The following CKAP5 variants were observed in gnomAD, a reference collection of about 807,000 sequenced individuals.
The protein encoded by CKAP5 is cytoskeleton associated protein 5, also known as cytoskeleton-associated protein 5.
Under a neutral mutation model 232.8 loss-of-function variants are expected in CKAP5, and 27 were observed. The observed-to-expected ratio is 0.12, with a 90% CI of 0.09 to 0.16. CKAP5 has a LOEUF of 0.16. Ranked by LOEUF, CKAP5 falls within the 10% of genes least tolerant of loss-of-function variation. The probability of loss-of-function intolerance (pLI) is 1.00; values close to 1 mark genes in which losing one functional copy is unlikely to be tolerated. For missense variants in CKAP5, 1,838 were observed against 2,424.7 expected (o/e 0.76, Z 5.08); for synonymous variants, 785 against 841.1 (o/e 0.93, Z 1.16).
intron 35 of CKAP5, among the ~76,000 whole-genome samples, chr11:46,756,948 A>G (rs2065114932): frequency 6.8e-6 from 1 of 147,496 alleles, no homozygotes; most frequent in South Asian, 2.1e-4. Flanking sequence ...TATTTTTAAT[A>G]GAGTCAGGGT....
In CKAP5 at chr11:46,769,987, G is replaced by A; in HGVS notation, c.3298C>T (p.Pro1100Ser). The stretch of plus-strand genomic sequence containing the variant: ...CCTGATGCAGGCTGGAATTTGGCTG[G>A]AGCGGACCCTCCCATTGGTTTAGAA... ...ATSKPMGGSA[P>S]AKFQPASAPA... Residue 1100 changes from proline (P) to serine (S), a missense_variant, in exon 26 of 44, where the codon CCA becomes TCA. Physicochemically the swap from Pro to Ser is moderately conservative, Grantham distance 74. This residue lies in a region of CKAP5 where 767 missense variants were observed against 954.6 expected (regional missense o/e 0.80). Coordinates refer to ENST00000529230, the MANE Select transcript of CKAP5 (RefSeq NM_001008938.4). 1.2e-6 allele frequency: 2 copies of A among 1,614,128 alleles called. No individual in the cohort carries two copies. The highest frequency in any genetic ancestry group is 8.5e-7 in the Non-Finnish European group (1 of 1,180,012).
At chr11:46,816,808 T>G (rs2134684371) in intron 3 of CKAP5, among the ~76,000 whole-genome samples, 1 of 150,178 alleles carries the variant, frequency 6.7e-6, no homozygotes, top group African/African-American at 2.4e-5. Context: ...TTTTTTTTTT[T>G]TTAAAGAGAC....
chr11:46,745,786 TA>T (rs968803751), intron 42 of CKAP5, among the ~76,000 whole-genome samples: 14 of 151,528 alleles, frequency 9.2e-5, no homozygotes, highest in African/African-American at 2.7e-4. Flanking sequence ...GAAACCCTCT[TA>T]AAAAAAATTC....
chr11:46,762,650 G>C lies in CKAP5; in HGVS notation c.4004C>G (p.Ser1335Cys). Residue 1335 changes from serine to cysteine, a missense_variant, in exon 31 of 44, where the codon TCC (serine) becomes TGC (cysteine). Physicochemically the swap from Ser to Cys is moderately radical, Grantham distance 112. Coordinates refer to ENST00000529230, the MANE Select transcript of CKAP5 (RefSeq NM_001008938.4). The stretch of plus-strand genomic sequence containing the variant: ...ACCTGCTCTCTGCTTAGAGTTTTTG[G>C]ATTTGGTTCCTTCCATGATAAAGGG... ...MFPFIMEGTK[S>C]KNSKQRAECL... The C allele has an allele frequency of 6.2e-7, 1 of 1,614,112 alleles. No homozygotes were observed. The highest frequency in any genetic ancestry group is 2.2e-5 in the East Asian group (1 of 44,886).
intron 24 of CKAP5, among the ~76,000 whole-genome samples, chr11:46,772,895 C>T (rs2065259798): frequency 6.6e-6 from 1 of 152,080 alleles, no homozygotes; most frequent in Non-Finnish European, 1.5e-5. Context: ...GCGCATGCCA[C>T]CACACCCAGC....
chr11:46,779,342 A>G (rs996519866), intron 20 of CKAP5, among the ~76,000 whole-genome samples: 2 of 152,190 alleles, frequency 1.3e-5, no homozygotes, highest in African/African-American at 4.8e-5. Flanking sequence ...CATGTTGGCC[A>G]GGCTGGTCTC....
At chr11:46,776,959 A>C (rs763827878) in intron 23 of CKAP5, among the ~76,000 whole-genome samples, 6 of 152,206 alleles carry the variant, frequency 3.9e-5, no homozygotes, top group Non-Finnish European at 7.3e-5. Flanking sequence ...TAGAACTATG[A>C]AACTACAAAT....
chr11:46,788,616 C>G lies in CKAP5; in HGVS notation c.1968+65G>C, dbSNP rs1396234552. 3.2e-6 allele frequency: 3 copies of G among 943,362 alleles called. No homozygotes were observed. The African/African-American group carries it at 5.0e-5, about 16-fold the overall frequency. 58.4% of individuals were successfully genotyped at this position (943,362 alleles called of 1,614,324 possible). On this transcript the variant is annotated intron_variant, in intron 16 of 43. Coordinates refer to ENST00000529230, the MANE Select transcript of CKAP5 (RefSeq NM_001008938.4). ...TTACGAAAACTATTCTGCTGTATTA[C>G]TCCATAGGATGATGTAATGTAAATT...
chr11:46,754,918 C>T lies in CKAP5; in HGVS notation c.4839G>A (p.Leu1613=). Residue 1613 remains leucine (L), a synonymous_variant, in exon 36 of 44, where the codon TTG becomes TTA. Coordinates refer to ENST00000529230, the MANE Select transcript of CKAP5 (RefSeq NM_001008938.4). ...TCATGTTGCCAATGATACAGCTATA[C>T]AACTTGATGATCTCGTCCTTCTCCA... is the stretch of plus-strand genomic sequence containing the variant. ...EKLEKDEIIK[L]YSCIIGNMIS... The T allele has an allele frequency of 1.2e-6, 2 of 1,613,738 alleles. No individual in the cohort carries two copies. Among genetic ancestry groups the T allele is most frequent in the South Asian group, 2.2e-5 (2 of 90,982 alleles).
At chr11:46,810,002 T>G in intron 5 of CKAP5, 128 bp from the exon 6 acceptor site, 6 of 889,832 alleles carry the variant, frequency 6.7e-6, no homozygotes, top group Non-Finnish European at 9.9e-6. Flanking sequence ...GACAGAGTCT[T>G]ACTCTGTCAC....
chr11:46,806,897 C>T (rs1939167798), intron 8 of CKAP5, among the ~76,000 whole-genome samples: 1 of 152,170 alleles, frequency 6.6e-6, no homozygotes, highest in Non-Finnish European at 1.5e-5. Flanking sequence ...TTAGCTTTTA[C>T]ACTATAAACA....
intron 1 of CKAP5, among the ~76,000 whole-genome samples, chr11:46,821,972 G>A (rs1037885190): frequency 6.6e-6 from 1 of 152,106 alleles, no homozygotes; most frequent in Non-Finnish European, 1.5e-5. Flanking sequence ...CTGGGAGGAG[G>A]AGGTTGCAGT....
At position 46,744,548 on chromosome 11, in the gene CKAP5, C is replaced by G; in HGVS notation, c.5734G>C (p.Val1912Leu). The G allele has an allele frequency of 1.2e-6, 2 of 1,614,088 alleles. No individual in the cohort carries two copies. The highest frequency in any genetic ancestry group is 1.7e-6 in the Non-Finnish European group (2 of 1,180,004). ...GACACTGTGCTTGTGGGCGTGGGCA[C>G]ACATGTGACTTCCATCTGAGGGGAG... ...GISPQMEVTC[V>L]PTPTSTVSSI... The change falls in exon 43 of 44, where the codon GTG becomes CTG. Residue 1912 changes from valine (V) to leucine (L), a missense_variant. Physicochemically the swap from Val to Leu is conservative, Grantham distance 32. This residue lies in a region of CKAP5 where 579 missense variants were observed against 843.2 expected (regional missense o/e 0.69). Coordinates refer to ENST00000529230, the MANE Select transcript of CKAP5 (RefSeq NM_001008938.4).
chr11:46,744,850 A>G (rs1467525685), intron 42 of CKAP5, among the ~76,000 whole-genome samples: 1 of 152,198 alleles, frequency 6.6e-6, no homozygotes, highest in Non-Finnish European at 1.5e-5. Flanking sequence ...TACTCCAGTA[A>G]TCCCAGGGCT....
At position 46,780,219 on chromosome 11, in the gene CKAP5, G is replaced by T; in HGVS notation, c.2408C>A (p.Ser803Tyr). ...CTTCTCAAATTCTGCATCTATCTGG[G>T]ATAGGAGGGCAGGCTTCTCATCCTC... ...FFEDEKPALL[S>Y]QIDAEFEKMQ... The change falls in exon 20 of 44, where the codon TCC (serine) becomes TAC (tyrosine). Residue 803 changes from serine to tyrosine, a missense_variant. Physicochemically the swap from Ser to Tyr is moderately radical, Grantham distance 144. This residue lies in a region of CKAP5 where 767 missense variants were observed against 954.6 expected (regional missense o/e 0.80). Transcript: ENST00000529230. 3 of 1,614,052 alleles carry T rather than the reference G, an allele frequency of 1.9e-6. No individual in the cohort carries two copies. Among genetic ancestry groups the T allele is most frequent in the Non-Finnish European group, 2.5e-6 (3 of 1,179,942 alleles).
At chr11:46,836,821 T>C (rs939013431) in intron 1 of CKAP5, among the ~76,000 whole-genome samples, 3 of 152,236 alleles carry the variant, frequency 2.0e-5, no homozygotes, top group Admixed American at 1.3e-4. Context: ...CACAGTGGGT[T>C]GTACTGTTAA....
At chr11:46,830,927 TG>T (rs1306379979) in intron 1 of CKAP5, among the ~76,000 whole-genome samples, 1 of 151,954 alleles carries the variant, frequency 6.6e-6, no homozygotes, top group African/African-American at 2.4e-5. Flanking sequence ...TAGCCGGGCA[TG>T]GTGGCGGGTG....
intron 1 of CKAP5, among the ~76,000 whole-genome samples, chr11:46,824,735 TATC>T (rs1299200300): frequency 1.3e-5 from 2 of 152,236 alleles, no homozygotes; most frequent in Non-Finnish European, 2.9e-5. Flanking sequence ...AAGTTAAAAG[TATC>T]ATATAGGGAT....
chr11:46,744,718 G>A (rs1244635951), intron 42 of CKAP5, 141 bp from the exon 43 acceptor site: 2 of 761,212 alleles, frequency 2.6e-6, no homozygotes, highest in Non-Finnish European at 4.2e-6. Context: ...TCTACCTGGA[G>A]TTGGTGATAA....
Sources: gnomAD v4.1 joint callset for allele counts (sites outside exome capture counted in the v4.1 genomes callset) on GRCh38, gnomAD v4.1.1 for gene constraint, gnomAD v4.1.1 regional missense constraint, MANE v1.5 for transcripts, NCBI Gene and HGNC (gene_info 2026-07-23, HGNC 2026-07-21) for gene names.